The following BRWD1 variants were observed in gnomAD, a reference collection of about 807,000 sequenced individuals.
The protein encoded by BRWD1 is bromodomain and WD repeat domain containing 1, also known as bromodomain and WD repeat-containing protein 1.
In BRWD1, 82 loss-of-function variants were observed where a neutral mutation model predicts 251.2. The ratio of observed to expected loss-of-function variants is 0.33; its 90% CI spans 0.27 to 0.39. The LOEUF (loss-of-function observed/expected upper bound fraction) is 0.39. Among genes scored for constraint, BRWD1 ranks in the 10% least tolerant of loss-of-function variants. The probability of loss-of-function intolerance (pLI) is 1.00; values close to 1 mark genes in which losing one functional copy is unlikely to be tolerated. For synonymous variants in BRWD1, 918 were observed against 902.8 expected, an observed-to-expected ratio of 1.02 and a Z score of -0.30; for missense variants, 2,233 against 2,711.6, an observed-to-expected ratio of 0.82 and a Z score of 3.92.
In BRWD1 at chr21:39,247,812, T is replaced by A; in HGVS notation, c.2370A>T (p.Val790=). The A allele has an allele frequency of 6.2e-7, 1 of 1,606,090 alleles. No homozygotes were observed. Among genetic ancestry groups the A allele is most frequent in the Non-Finnish European group, 8.5e-7 (1 of 1,177,006 alleles). ...LSHKSDSVVL[V]SQSRQRTCRR... is the part of the protein sequence containing the mutation. ...TACATGTCCTTTGTCTAGACTGTGA[T>A]ACCAAAACCACTGAATCCGACTGAA... The change falls in exon 21 of 41, where the codon GTA becomes GTT. Residue 790 remains valine (V), a synonymous_variant. Transcript: ENST00000342449.
chr21:39,262,252 G>A (rs897491277), intron 17 of BRWD1, among the ~76,000 whole-genome samples: 1 of 152,130 alleles, frequency 6.6e-6, no homozygotes, highest in South Asian at 2.1e-4. Context: ...CCCCAAACTG[G>A]AAACAAGCCT....
At chr21:39,296,480 T>C in intron 5 of BRWD1, 117 bp from the exon 6 acceptor site, 2 of 1,280,286 alleles carry the variant, frequency 1.6e-6, no homozygotes, top group Non-Finnish European at 2.0e-6. Context: ...CCAACTAGTA[T>C]ACTTTAACAG....
intron 31 of BRWD1, chr21:39,217,157 G>T (rs947448107): frequency 6.9e-6 from 1 of 143,894 alleles, no homozygotes; most frequent in Non-Finnish European, 1.5e-5. Context: ...GTGTAGTGGC[G>T]TGATCTCAGC....
At chr21:39,204,614 T>G (rs28734946) in intron 37 of BRWD1, among the ~76,000 whole-genome samples, 15,532 of 152,214 alleles carry the variant, frequency 0.1, 927 homozygotes, top group East Asian at 0.14. Context: ...AGACCATACA[T>G]AAAAATCACA....
chr21:39,313,137 G>T (rs1223849128), intron 2 of BRWD1, 36 bp from the exon 3 acceptor site: 1 of 1,488,296 alleles, frequency 6.7e-7, no homozygotes, highest in Non-Finnish European at 8.9e-7. Flanking sequence ...GGGTGGGGTC[G>T]GGCCCGGGGC....
In BRWD1 at chr21:39,202,502, G is replaced by T. The variant is rs1480940507; in HGVS notation, c.4408C>A (p.Pro1470Thr). 5.0e-6 allele frequency: 8 copies of T among 1,613,334 alleles called. No homozygotes were observed. Among genetic ancestry groups the T allele is most frequent in the Non-Finnish European group, 6.8e-6 (8 of 1,179,510 alleles). ...KRLKSQTKII[P>T]ELVGSPTQST... ...TGGGTAGGAGAACCTACCAACTCAG[G>T]AATTATTTTTGTCTGAGATTTTAAC... The change falls in exon 38 of 41, where the codon CCT becomes ACT. Residue 1470 changes from proline to threonine, a missense_variant. Pro to Thr is a conservative substitution (Grantham distance 38). Transcript: ENST00000342449.
intron 17 of BRWD1, 63 bp downstream of exon 17, chr21:39,264,397 T>G: frequency 1.0e-6 from 1 of 993,354 alleles, no homozygotes; most frequent in Non-Finnish European, 1.4e-6. Context: ...AAATTATTTA[T>G]ATTATACTTT....
Position 39,199,132 on chromosome 21 carries a change from TTTTA to T in BRWD1, c.5280_5283del (p.Lys1761ValfsTer58). 6.2e-7 allele frequency: 1 copy of T among 1,614,062 alleles called. No homozygotes were observed. Among genetic ancestry groups the T allele is most frequent in the East Asian group, 2.2e-5 (1 of 44,880 alleles). On this transcript the variant is annotated frameshift_variant, in exon 40 of 41. Transcript: ENST00000342449. LOFTEE classifies it high-confidence loss of function. ...TTACATGCATGATCTGAATCATGAC[TTTTA>T]GAGTCTTCCTCAGAAGACTCTATTT...
At chr21:39,218,482 A>T (rs756746033) in intron 30 of BRWD1, 23 bp downstream of exon 30, 3 of 1,554,026 alleles carry the variant, frequency 1.9e-6, no homozygotes, top group South Asian at 2.4e-5. Context: ...AAAACTTTTC[A>T]TCCTAAAAAA....
intron 34 of BRWD1, among the ~76,000 whole-genome samples, chr21:39,212,332 A>T (rs8132143): frequency 0.51 from 76,975 of 151,700 alleles, 19,844 homozygotes; most frequent in African/African-American, 0.58. Context: ...AGACACAGCC[A>T]CTTTGATCAC....
Position 39,236,780 on chromosome 21 carries a change from A to C in BRWD1, c.2581T>G (p.Ser861Ala). The C allele has an allele frequency of 6.2e-7, 1 of 1,612,690 alleles. No homozygotes were observed. Among genetic ancestry groups the C allele is most frequent in the Non-Finnish European group, 8.5e-7 (1 of 1,179,498 alleles). Reference protein sequence around the residue: ...SESYSESSSDSSSRYSDWTAD... With the variant: ...SESYSESSSDASSRYSDWTAD... Reference sequence around the variant, plus strand: ...GTCCAATCGGAATATCTAGATGAAGAGTCACTAGAAAAGGGGAGTGCTTTC... The same window carrying C: ...GTCCAATCGGAATATCTAGATGAAGCGTCACTAGAAAAGGGGAGTGCTTTC... The change falls in exon 23 of 41, where the codon TCT (serine) becomes GCT (alanine). Residue 861 changes from serine to alanine, a missense_variant. Around this residue, in one of 12 missense-constraint regions of BRWD1, gnomAD observed 214 missense variants for 222.0 expected, o/e 0.96. Coordinates refer to ENST00000342449, the MANE Select transcript of BRWD1 (RefSeq NM_033656.4).
At chr21:39,307,270 T>A (rs1049923445) in intron 4 of BRWD1, among the ~76,000 whole-genome samples, 3 of 152,220 alleles carry the variant, frequency 2.0e-5, no homozygotes, top group African/African-American at 4.8e-5. Flanking sequence ...CTCAGCAGGG[T>A]TAACTTAGAC....
chr21:39,298,819 G>C (rs949471896), intron 4 of BRWD1, among the ~76,000 whole-genome samples: 2 of 151,974 alleles, frequency 1.3e-5, no homozygotes, highest in Non-Finnish European at 1.5e-5. Context: ...TGACAATTTT[G>C]TTCTAAAATT....
chr21:39,196,148 AAAATAT>A lies in BRWD1; in HGVS notation c.*105_*110del, dbSNP rs1268453263. On this transcript the variant is annotated 3_prime_UTR_variant, in exon 41 of 41. Transcript: ENST00000342449. ...AGTCACATTCATAACTTTTCATAGA[AAAATAT>A]AAATATATTCCCTGAATTGTAAGAC... is the stretch of plus-strand genomic sequence containing the variant. 2 of 1,463,058 alleles carry A rather than the reference AAAATAT, an allele frequency of 1.4e-6. No individual in the cohort carries two copies. Among genetic ancestry groups the A allele is most frequent in the Non-Finnish European group, 1.8e-6 (2 of 1,115,258 alleles). 90.6% of individuals were successfully genotyped at this position (1,463,058 alleles called of 1,614,324 possible).
intron 5 of BRWD1, 191 bp downstream of exon 5, chr21:39,298,241 T>A (rs2836979): frequency 0.12 from 153,240 of 1,235,134 alleles, 9,684 homozygotes; most frequent in Admixed American, 0.13. Context: ...AACTTTTTAA[T>A]GCAGAAGGAC....
chr21:39,301,320 G>A (rs1009373736), intron 4 of BRWD1, among the ~76,000 whole-genome samples: 1 of 152,146 alleles, frequency 6.6e-6, no homozygotes, highest in Admixed American at 6.5e-5. Context: ...ACATTGAGAG[G>A]ATACTACTTC....
chr21:39,228,511 T>C lies in BRWD1; in HGVS notation c.3197A>G (p.Asn1066Ser), dbSNP rs1384244042. The change falls in exon 27 of 41, where the codon AAT becomes AGT. Residue 1066 changes from asparagine (N) to serine (S), a missense_variant. By Grantham distance (46) the Asn-to-Ser change is conservative. Around this residue, in one of 12 missense-constraint regions of BRWD1, gnomAD observed 139 missense variants for 272.8 expected, o/e 0.51. Transcript: ENST00000342449. Reference sequence around the variant, plus strand: ...AAGGATAGACTTACAAGACTGCCAATTCCTCTGTCTTGCTTCATCATAAAA... The same window carrying C: ...AAGGATAGACTTACAAGACTGCCAACTCCTCTGTCTTGCTTCATCATAAAA... Reference protein sequence around the residue: ...RQFYDEARQRNWQSCDRFRSI... With the variant: ...RQFYDEARQRSWQSCDRFRSI... The C allele has an allele frequency of 6.2e-7, 1 of 1,611,114 alleles. No individual in the cohort carries two copies. Among genetic ancestry groups the C allele is most frequent in the East Asian group, 2.2e-5 (1 of 44,792 alleles).
In BRWD1 at chr21:39,228,658, G is replaced by C. The variant is rs541862003; in HGVS notation, c.3126-76C>G. 1.8e-5 allele frequency: 13 copies of C among 727,254 alleles called. No individual in the cohort carries two copies. The Admixed American group carries it at 1.8e-4, about 10-fold the overall frequency. The allele number at this position is 727,254 out of a possible 1,614,324, so 45.1% of individuals were successfully genotyped here. A position where few individuals can be genotyped will look rare whatever the true frequency, so the allele number is the denominator to read the frequency against. Reference sequence around the variant, plus strand: ...AGTCTAAAAGCAGCACTGTCCAAAAGAAACATGAGATCTACGAATGTAATT... The same window carrying C: ...AGTCTAAAAGCAGCACTGTCCAAAACAAACATGAGATCTACGAATGTAATT... On this transcript the variant is annotated intron_variant, in intron 26 of 40. Coordinates refer to ENST00000342449, the MANE Select transcript of BRWD1 (RefSeq NM_033656.4).
At chr21:39,314,828 G>A (rs1302735204), upstream of BRWD1, 1 of 161,424 alleles carries the variant, frequency 6.2e-6, no homozygotes, top group African/African-American at 2.4e-5. Context: ...TTGACCTTGA[G>A]CAAGTCACAA....
Sources: allele counts gnomAD v4.1 joint callset (sites outside exome capture counted in the v4.1 genomes callset), GRCh38; gene constraint gnomAD v4.1.1; regional missense constraint gnomAD v4.1.1; transcripts MANE v1.5; gene names NCBI Gene and HGNC (gene_info 2026-07-23, HGNC 2026-07-21).